ADISSP: variants seen among roughly 807,000 people sequenced by gnomAD.
ADISSP encodes the protein adipose-secreted signaling protein.
chr20:3,759,220 G>A, the ADISSP span, among the ~76,000 whole-genome samples: 1 of 152,108 alleles, frequency 6.6e-6, no homozygotes, highest in Non-Finnish European at 1.5e-5. This position sits in a 1 kb window ranked among gnomAD's most constrained non-coding sequence, Gnocchi z 4.6. Context: ...AACACACTCA[G>A]GCCACCTGGG....
the ADISSP span, among the ~76,000 whole-genome samples, chr20:3,758,892 TGAGCGTGGGGG>T: frequency 6.6e-6 from 1 of 151,842 alleles, no homozygotes; most frequent in Non-Finnish European, 1.5e-5. The surrounding 1 kb of genome is among the most constrained non-coding windows in gnomAD (Gnocchi z 5.5). Context: ...CCCCTGAGAG[TGAGCGTGGGGG>T]GACTCAGGGA....
chr20:3,757,410 G>A, the ADISSP span, among the ~76,000 whole-genome samples: 4 of 152,236 alleles, frequency 2.6e-5, no homozygotes, highest in East Asian at 1.9e-4. Context: ...TTTTGGGATA[G>A]TATGACTGTG....
chr20:3,754,032 GC>G, the ADISSP span: 2 of 1,564,780 alleles, frequency 1.3e-6, no homozygotes, highest in Admixed American at 3.4e-5. Flanking sequence ...AGGCTGAGGG[GC>G]CCGGGGCAGG....
At chr20:3,758,855 C>T in the ADISSP span, among the ~76,000 whole-genome samples, 1 of 152,194 alleles carries the variant, frequency 6.6e-6, no homozygotes, top group Non-Finnish European at 1.5e-5. This position sits in a 1 kb window ranked among gnomAD's most constrained non-coding sequence, Gnocchi z 5.5. Context: ...CCGCCGGCCC[C>T]GACCTGCCCC....
At chr20:3,753,736 G>A in the ADISSP span, 59 of 423,528 alleles carry the variant, frequency 1.4e-4, no homozygotes, top group Middle Eastern at 9.4e-4. Flanking sequence ...ACCCTGGTGG[G>A]AGTCCCTGTG....
At chr20:3,767,560 C>T in the ADISSP span, 1 of 152,732 alleles carries the variant, frequency 6.5e-6, no homozygotes, top group Non-Finnish European at 1.5e-5. Context: ...ATCACGGCCG[C>T]TGGGGTCCCA....
the ADISSP span, among the ~76,000 whole-genome samples, chr20:3,764,458 G>A: frequency 6.6e-6 from 1 of 152,104 alleles, no homozygotes; most frequent in African/African-American, 2.4e-5. Flanking sequence ...CTTTGCCCAG[G>A]TCATCCCTTC....
chr20:3,767,980 G>A, the ADISSP span: 2 of 152,294 alleles, frequency 1.3e-5, no homozygotes, highest in Non-Finnish European at 1.5e-5. Flanking sequence ...GGCCCAACTA[G>A]GCCAGGGGCC....
the ADISSP span, chr20:3,755,506 C>A: frequency 6.2e-7 from 1 of 1,612,884 alleles, no homozygotes; most frequent in Non-Finnish European, 8.5e-7. Flanking sequence ...GCTTGAGGTG[C>A]AGGCTGGGGA....
At chr20:3,764,751 T>G in the ADISSP span, among the ~76,000 whole-genome samples, 1 of 152,242 alleles carries the variant, frequency 6.6e-6, no homozygotes, top group Non-Finnish European at 1.5e-5. Flanking sequence ...CACATCACAT[T>G]TGCTTGGAGG....
chr20:3,757,459 A>C, the ADISSP span, among the ~76,000 whole-genome samples: 1 of 152,134 alleles, frequency 6.6e-6, no homozygotes, highest in African/African-American at 2.4e-5. Flanking sequence ...CTGTCTTCCA[A>C]ATTTTCTCAT....
chr20:3,766,962 C>T, the ADISSP span, among the ~76,000 whole-genome samples: 2 of 152,122 alleles, frequency 1.3e-5, no homozygotes, highest in African/African-American at 4.8e-5. Flanking sequence ...AGTCCCTCCT[C>T]CTTCATACCA....
the ADISSP span, chr20:3,758,705 G>A: frequency 6.2e-6 from 10 of 1,609,276 alleles, no homozygotes; most frequent in Admixed American, 1.0e-4. This position sits in a 1 kb window ranked among gnomAD's most constrained non-coding sequence, Gnocchi z 5.5. Flanking sequence ...AGGGCTCTGA[G>A]GGCTTTCCCT....
chr20:3,758,946 GGGCT>G, the ADISSP span, among the ~76,000 whole-genome samples: 3 of 152,152 alleles, frequency 2.0e-5, no homozygotes, highest in Non-Finnish European at 4.4e-5. The surrounding 1 kb of genome is among the most constrained non-coding windows in gnomAD (Gnocchi z 5.5). Context: ...GGAGGGGGTG[GGGCT>G]GGTGCCAGAG....
chr20:3,753,520 T>C, the ADISSP span: 5,940 of 154,916 alleles, frequency 0.038, 170 homozygotes, highest in South Asian at 0.068. Flanking sequence ...CGGTATCCAC[T>C]GGAAGTTTAT....
At chr20:3,758,991 C>G in the ADISSP span, among the ~76,000 whole-genome samples, 9 of 152,186 alleles carry the variant, frequency 5.9e-5, no homozygotes, top group Non-Finnish European at 1.2e-4. The surrounding 1 kb of genome is among the most constrained non-coding windows in gnomAD (Gnocchi z 5.5). Context: ...AGACTCCCAC[C>G]AAGCCAGGGC....
the ADISSP span, among the ~76,000 whole-genome samples, chr20:3,758,305 G>A: frequency 6.6e-6 from 1 of 152,212 alleles, no homozygotes; most frequent in Non-Finnish European, 1.5e-5. This position sits in a 1 kb window ranked among gnomAD's most constrained non-coding sequence, Gnocchi z 5.5. Context: ...TATTGTCTGG[G>A]TGAAGCAGAT....
chr20:3,758,779 A>C, the ADISSP span: 1 of 1,125,754 alleles, frequency 8.9e-7, no homozygotes, highest in South Asian at 1.5e-5. This position sits in a 1 kb window ranked among gnomAD's most constrained non-coding sequence, Gnocchi z 5.5. Context: ...GACATCATCC[A>C]GCTCCCACTG....
the ADISSP span, among the ~76,000 whole-genome samples, chr20:3,763,365 C>A: frequency 2.0e-5 from 3 of 151,800 alleles, no homozygotes; most frequent in Non-Finnish European, 4.4e-5. Flanking sequence ...CAAGACCAGC[C>A]TGGCCAACAT....
Sources: allele counts gnomAD v4.1 joint callset (sites outside exome capture counted in the v4.1 genomes callset), GRCh38; gene constraint gnomAD v4.1.1; non-coding constraint Gnocchi (gnomAD v3.1); transcripts MANE v1.5; gene names NCBI Gene and HGNC (gene_info 2026-07-23, HGNC 2026-07-21).